Variants in RALGAPB observed in about 807,000 individuals in gnomAD.
RALGAPB encodes Ral GTPase activating protein non-catalytic subunit beta, also known as ral GTPase-activating protein subunit beta.
In RALGAPB, 25 loss-of-function variants were observed where a neutral mutation model predicts 161.1. The ratio of observed to expected loss-of-function variants is 0.16; its 90% CI spans 0.11 to 0.22. The LOEUF (loss-of-function observed/expected upper bound fraction) is 0.22, where lower values mean the gene tolerates loss of function less well. Among genes scored for constraint, RALGAPB ranks in the 10% least tolerant of loss-of-function variants. The pLI is 1.00. For synonymous variants in RALGAPB, 629 were observed against 626.1 expected (o/e 1.00, Z -0.07); for missense variants, 1,391 against 1,815.2 (o/e 0.77, Z 4.25).
At chr20:38,490,593 G>A (rs1260646318) in intron 2 of RALGAPB, among the ~76,000 whole-genome samples, 3 of 150,226 alleles carry the variant, frequency 2.0e-5, no homozygotes, top group African/African-American at 7.4e-5. Flanking sequence ...CGCAACCTCT[G>A]CCTCCCAGGT....
intron 22 of RALGAPB, among the ~76,000 whole-genome samples, chr20:38,557,932 G>T (rs1336690012): frequency 2.6e-5 from 4 of 152,194 alleles, no homozygotes; most frequent in Non-Finnish European, 4.4e-5. Context: ...GTTTGGCTTT[G>T]TAAGAAACTG....
intron 22 of RALGAPB, among the ~76,000 whole-genome samples, chr20:38,556,645 A>G (rs79382904): frequency 6.6e-6 from 1 of 152,308 alleles, no homozygotes; most frequent in East Asian, 1.9e-4. Flanking sequence ...GAAACTTTTA[A>G]CAATTATTAA....
At chr20:38,526,141 G>T in intron 13 of RALGAPB, 99 bp downstream of exon 13, 1 of 1,319,808 alleles carries the variant, frequency 7.6e-7, no homozygotes, top group Admixed American at 2.2e-5. Context: ...TAAACCTAAT[G>T]TAGCTCTACT....
intron 6 of RALGAPB, among the ~76,000 whole-genome samples, chr20:38,511,844 G>A (rs2085966741): frequency 6.6e-6 from 1 of 152,128 alleles, no homozygotes; most frequent in Admixed American, 6.5e-5. Context: ...GAGCTGTTGG[G>A]TACACCTCCT....
Position 38,531,199 on chromosome 20 carries a change from C to G in RALGAPB, c.2083C>G (p.Leu695Val). 1 of 1,610,888 alleles carries G rather than the reference C, an allele frequency of 6.2e-7. No individual in the cohort carries two copies. The highest frequency in any genetic ancestry group is 8.5e-7 in the Non-Finnish European group (1 of 1,177,386). The change falls in exon 14 of 30, where the codon CTT becomes GTT. Residue 695 changes from leucine (L) to valine (V), a missense_variant. Around this residue, in one of 3 missense-constraint regions of RALGAPB, gnomAD observed 946 missense variants for 1,257.2 expected, o/e 0.75. Coordinates refer to ENST00000262879, the MANE Select transcript of RALGAPB (RefSeq NM_020336.4). ...GTTAAATATTGTTCAAGATTCAGCA[C>G]TTTTGGAAGCCATTGGTTGCCAGAT... ...AMLNIVQDSA[L>V]LEAIGCQMEM...
At chr20:38,475,034 A>G (rs1258083819) in intron 1 of RALGAPB, among the ~76,000 whole-genome samples, 3 of 152,232 alleles carry the variant, frequency 2.0e-5, no homozygotes, top group Admixed American at 6.5e-5. Context: ...GTTCTTACCA[A>G]TTGCAAGGCA....
intron 3 of RALGAPB, 96 bp from the exon 4 acceptor site, chr20:38,497,257 T>C (rs2085453979): frequency 1.8e-6 from 2 of 1,141,412 alleles, no homozygotes; most frequent in South Asian, 1.5e-5. Context: ...GGGAGCTTCA[T>C]TGGACCACTG....
chr20:38,481,494 C>T (rs932112418), intron 1 of RALGAPB, among the ~76,000 whole-genome samples: 18 of 152,244 alleles, frequency 1.2e-4, no homozygotes, highest in African/African-American at 3.4e-4. Context: ...AGGCAAACTC[C>T]GGTTTTTAAA....
At chr20:38,512,285 TAAG>T (rs1199316423) in intron 6 of RALGAPB, among the ~76,000 whole-genome samples, 1 of 152,240 alleles carries the variant, frequency 6.6e-6, no homozygotes, top group Non-Finnish European at 1.5e-5. Flanking sequence ...TATCTGCAAA[TAAG>T]AAGTGTCTCT....
intron 23 of RALGAPB, among the ~76,000 whole-genome samples, chr20:38,558,854 A>T (rs1309708108): frequency 1.3e-5 from 2 of 152,222 alleles, no homozygotes; most frequent in Non-Finnish European, 2.9e-5. Context: ...ACTTAGCTCA[A>T]GCGGGAGTGA....
At chr20:38,521,846 T>C (rs1250684419) in intron 10 of RALGAPB, 148 bp downstream of exon 10, 1 of 865,790 alleles carries the variant, frequency 1.2e-6, no homozygotes, top group Non-Finnish European at 1.7e-6. Context: ...TCTTTCATTT[T>C]ACCTGTCTCA....
At chr20:38,533,369 T>C (rs369942947) in intron 15 of RALGAPB, among the ~76,000 whole-genome samples, 7 of 152,296 alleles carry the variant, frequency 4.6e-5, no homozygotes, top group African/African-American at 1.7e-4. Context: ...AGTAAAACAT[T>C]TGCCAGCCAA....
intron 1 of RALGAPB, among the ~76,000 whole-genome samples, chr20:38,474,956 T>C (rs1451414952): frequency 1.3e-5 from 2 of 152,236 alleles, no homozygotes; most frequent in African/African-American, 4.8e-5. Context: ...AGTTTTGTTC[T>C]TTTTGCTTAG....
intron 3 of RALGAPB, among the ~76,000 whole-genome samples, chr20:38,494,301 G>A (rs759933486): frequency 1.2e-4 from 18 of 152,280 alleles, no homozygotes; most frequent in Middle Eastern, 3.4e-3. Flanking sequence ...AATTAAATGC[G>A]TGTTGTTTGT....
chr20:38,548,439 A>G (rs548304366), intron 19 of RALGAPB, among the ~76,000 whole-genome samples: 131 of 152,350 alleles, frequency 8.6e-4, no homozygotes, highest in African/African-American at 2.9e-3. Flanking sequence ...CTTTAAAATT[A>G]TATAATTAGT....
intron 22 of RALGAPB, among the ~76,000 whole-genome samples, chr20:38,555,089 A>G (rs975461218): frequency 7.9e-5 from 12 of 151,504 alleles, no homozygotes; most frequent in African/African-American, 1.2e-4. Flanking sequence ...GTCTCTTGGG[A>G]AAAAAAAATG....
intron 6 of RALGAPB, among the ~76,000 whole-genome samples, chr20:38,510,220 C>T (rs1282460840): frequency 1.3e-5 from 2 of 151,940 alleles, no homozygotes; most frequent in Non-Finnish European, 2.9e-5. Context: ...GTTGCCCAGG[C>T]GGTCTCAAAC....
At chr20:38,477,888 G>C (rs1421202346) in intron 1 of RALGAPB, among the ~76,000 whole-genome samples, 1 of 152,168 alleles carries the variant, frequency 6.6e-6, no homozygotes, top group South Asian at 2.1e-4. Context: ...TTGGGAGGCC[G>C]AGGTGGGAGG....
intron 1 of RALGAPB, among the ~76,000 whole-genome samples, chr20:38,485,966 C>CTTTTTTT (rs11481893): frequency 2.7e-3 from 240 of 90,532 alleles, no homozygotes; most frequent in Non-Finnish European, 2.7e-3. Flanking sequence ...CTTTCTATAT[C>CTTTTTTT]TTTTTTTTTT....
Sources: gnomAD v4.1 joint callset for allele counts (sites outside exome capture counted in the v4.1 genomes callset) on GRCh38, gnomAD v4.1.1 for gene constraint, gnomAD v4.1.1 regional missense constraint, MANE v1.5 for transcripts, NCBI Gene and HGNC (gene_info 2026-07-23, HGNC 2026-07-21) for gene names.